The following WDPCP variants were observed in gnomAD, a reference collection of about 807,000 sequenced individuals.
WDPCP encodes the protein WD repeat-containing and planar cell polarity effector protein fritz homolog.
A neutral mutation model predicts 93.1 loss-of-function variants in WDPCP; 71 were observed. The ratio of observed to expected loss-of-function variants is 0.76; its 90% CI spans 0.63 to 0.93. WDPCP has a LOEUF of 0.93. Among genes scored for constraint, WDPCP ranks in the 40% least tolerant of loss-of-function variants. The pLI is 0.00. For synonymous variants in WDPCP, 315 were observed against 315.0 expected (o/e 1.00, Z 0.00); for missense variants, 844 against 887.4 (o/e 0.95, Z 0.62).
chr2:63,342,446 T>C (rs1261991178), intron 12 of WDPCP, among the ~76,000 whole-genome samples: 1 of 152,242 alleles, frequency 6.6e-6, no homozygotes, highest in Non-Finnish European at 1.5e-5. Context: ...TTTTGTTATA[T>C]AATTCTTCCA....
At chr2:63,797,720 G>A (rs1670636622) in intron 2 of WDPCP, among the ~76,000 whole-genome samples, 1 of 151,956 alleles carries the variant, frequency 6.6e-6, no homozygotes, top group African/African-American at 2.4e-5. Flanking sequence ...AAGCGTTACT[G>A]GCCTTGAAGA....
At chr2:63,370,908 ACTTC>A (rs142704114) in intron 12 of WDPCP, among the ~76,000 whole-genome samples, 23,968 of 150,472 alleles carry the variant, frequency 0.16, 2,523 homozygotes, top group Non-Finnish European at 0.21. Flanking sequence ...TTATTTTTAA[ACTTC>A]CTTCCTTCTT....
intron 2 of WDPCP, among the ~76,000 whole-genome samples, chr2:63,489,718 A>C (rs541301112): frequency 3.9e-5 from 6 of 152,290 alleles, no homozygotes; most frequent in African/African-American, 1.4e-4. Context: ...ATAATGAAAT[A>C]AAATAATGAT....
At chr2:63,357,574 C>A (rs571329682) in intron 12 of WDPCP, among the ~76,000 whole-genome samples, 3 of 152,104 alleles carry the variant, frequency 2.0e-5, no homozygotes, top group African/African-American at 7.2e-5. Flanking sequence ...ATCTCACAGT[C>A]AGAATGGCTA....
chr2:63,642,592 T>C (rs967004821), intron 3 of WDPCP: 3 of 152,124 alleles, frequency 2.0e-5, no homozygotes, highest in Admixed American at 2.0e-4. Context: ...TTTGATTTCT[T>C]TTTCAGATTG....
intron 1 of WDPCP, among the ~76,000 whole-genome samples, chr2:63,561,747 G>A (rs1349004076): frequency 3.9e-5 from 6 of 152,188 alleles, no homozygotes; most frequent in Admixed American, 6.5e-5. Context: ...GGACATTTAT[G>A]CAGCCAACAA....
intron 1 of WDPCP, among the ~76,000 whole-genome samples, chr2:63,504,324 T>TTGTGTGTG (rs60202196): frequency 0.029 from 3,963 of 138,034 alleles, 60 homozygotes; most frequent in African/African-American, 0.038. Flanking sequence ...ACGTACTAAA[T>TTGTGTGTG]TGTGTGTGTG....
At chr2:63,258,490 G>C (rs12991228) in intron 14 of WDPCP, among the ~76,000 whole-genome samples, 21,599 of 152,042 alleles carry the variant, frequency 0.14, 1,726 homozygotes, top group Middle Eastern at 0.22. Flanking sequence ...CAAAAACAAA[G>C]CACAAGATCT....
intron 14 of WDPCP, among the ~76,000 whole-genome samples, chr2:63,186,216 A>G (rs1201700182): frequency 2.0e-5 from 3 of 152,124 alleles, no homozygotes; most frequent in Non-Finnish European, 4.4e-5. Flanking sequence ...CTGTCCACAA[A>G]TCTTGCCACT....
chr2:63,541,494 C>T (rs1335906284), intron 1 of WDPCP, among the ~76,000 whole-genome samples: 1 of 151,998 alleles, frequency 6.6e-6, no homozygotes, highest in Non-Finnish European at 1.5e-5. Context: ...GTTTTTCCAC[C>T]ATAACATCCT....
chr2:63,286,432 G>A (rs887197298), intron 13 of WDPCP, among the ~76,000 whole-genome samples: 2 of 152,144 alleles, frequency 1.3e-5, no homozygotes, highest in African/African-American at 2.4e-5. Flanking sequence ...ACTTAAGAAG[G>A]TTCTTTGTAA....
intron 10 of WDPCP, among the ~76,000 whole-genome samples, chr2:63,399,578 TGAGAGAGA>T (rs3835750): frequency 9.2e-6 from 1 of 108,576 alleles, no homozygotes; most frequent in African/African-American, 3.7e-5. Context: ...AAGGAGAGAT[TGAGAGAGA>T]GAGAGAGAGG....
At chr2:63,302,398 A>C (rs1685399308) in intron 13 of WDPCP, among the ~76,000 whole-genome samples, 1 of 152,226 alleles carries the variant, frequency 6.6e-6, no homozygotes, top group Admixed American at 6.5e-5. Context: ...ACCTGTTCAC[A>C]ATCTTAATTG....
At chr2:63,218,553 G>A (rs1002663412) in intron 14 of WDPCP, among the ~76,000 whole-genome samples, 1 of 151,768 alleles carries the variant, frequency 6.6e-6, no homozygotes. Flanking sequence ...TATTTGAGAC[G>A]GAGCCTCGCT....
intron 14 of WDPCP, among the ~76,000 whole-genome samples, chr2:63,185,473 G>A (rs1319812280): frequency 6.6e-6 from 1 of 151,920 alleles, no homozygotes; most frequent in East Asian, 1.9e-4. Flanking sequence ...TTGCTTCCGG[G>A]TGCATTCAGT....
intron 2 of WDPCP, among the ~76,000 whole-genome samples, chr2:63,741,925 A>C (rs1000143773): frequency 1.3e-5 from 2 of 152,150 alleles, no homozygotes; most frequent in African/African-American, 4.8e-5. Flanking sequence ...GCTGGTGGTT[A>C]ATAAAGAACT....
At chr2:63,574,122 A>C (rs950968385) in intron 1 of WDPCP, among the ~76,000 whole-genome samples, 2 of 152,052 alleles carry the variant, frequency 1.3e-5, no homozygotes, top group African/African-American at 4.8e-5. Flanking sequence ...TTGCCTTGTG[A>C]TATTCTATTA....
chr2:63,805,689 C>T (rs890372297), intron 2 of WDPCP, among the ~76,000 whole-genome samples: 5 of 152,128 alleles, frequency 3.3e-5, no homozygotes, highest in Non-Finnish European at 7.4e-5. Context: ...GGGGCAATGC[C>T]ATAGGAATTC....
intron 6 of WDPCP, chr2:63,441,047 A>C (rs907548663): frequency 6.6e-6 from 1 of 152,168 alleles, no homozygotes; most frequent in Non-Finnish European, 1.5e-5. Context: ...ATTTACTGTT[A>C]GAACTCTTGT....
Sources: gnomAD v4.1 joint callset for allele counts (sites outside exome capture counted in the v4.1 genomes callset) on GRCh38, gnomAD v4.1.1 for gene constraint, MANE v1.5 for transcripts, NCBI Gene and HGNC (gene_info 2026-07-23, HGNC 2026-07-21) for gene names.